Variants in PDE11A observed in about 807,000 individuals in gnomAD.
The protein encoded by PDE11A is phosphodiesterase 11A, also known as dual 3',5'-cyclic-AMP and -GMP phosphodiesterase 11A.
In PDE11A, 100 loss-of-function variants were observed where a neutral mutation model predicts 100.5. The ratio of observed to expected loss-of-function variants is 1.00; its 90% CI spans 0.85 to 1.18. The LOEUF is 1.18. Among genes scored for constraint, PDE11A ranks in the 50% most tolerant of loss-of-function variants. PDE11A has a pLI of 0.00. For synonymous variants in PDE11A, 381 were observed against 420.8 expected (o/e 0.91, Z 1.16); for missense variants, 1,141 against 1,152.6 (o/e 0.99, Z 0.15).
At chr2:178,040,646 TA>T (rs1239804954) in intron 1 of PDE11A, among the ~76,000 whole-genome samples, 1 of 152,198 alleles carries the variant, frequency 6.6e-6, no homozygotes, top group Non-Finnish European at 1.5e-5. Context: ...GCTAAACCAC[TA>T]AACTAAAATT....
chr2:178,037,919 C>A (rs1476888828), intron 1 of PDE11A, among the ~76,000 whole-genome samples: 1 of 151,550 alleles, frequency 6.6e-6, no homozygotes, highest in East Asian at 1.9e-4. Flanking sequence ...ATATCTAATG[C>A]ATGGGGGGCT....
chr2:177,656,993 G>A (rs1456033925), intron 19 of PDE11A, among the ~76,000 whole-genome samples: 1 of 152,120 alleles, frequency 6.6e-6, no homozygotes, highest in African/African-American at 2.4e-5. Flanking sequence ...CGAGGACTTC[G>A]GAAGGTACCT....
At chr2:177,796,303 T>C (rs1380102170) in intron 9 of PDE11A, among the ~76,000 whole-genome samples, 2 of 151,996 alleles carry the variant, frequency 1.3e-5, no homozygotes, top group Admixed American at 1.3e-4. Flanking sequence ...ACGATGTCAT[T>C]CAGATTATAT....
In PDE11A at chr2:178,087,896, G is replaced by GT. The variant is rs60232128; in HGVS notation, c.162+16405dup. Among the ~76,000 whole-genome samples, 311 of 148,748 alleles carry GT rather than the reference G, an allele frequency of 2.1e-3. 1 individual carries two copies. Among genetic ancestry groups the GT allele is most frequent in the South Asian group, 6.0e-3 (28 of 4,678 alleles). On this transcript the variant is annotated intron_variant, in intron 2 of 20. Transcript: ENST00000358450. The stretch of plus-strand genomic sequence containing the variant: ...ACAGTGGTTCTGTTTTAAACACTGA[G>GT]TTTTTTTTTTGTTTTTTTCTTTTTG...
At chr2:177,821,044 T>TC (rs2083131079) in intron 6 of PDE11A, among the ~76,000 whole-genome samples, 1 of 151,902 alleles carries the variant, frequency 6.6e-6, no homozygotes, top group Non-Finnish European at 1.5e-5. Context: ...ATTGTTCTAA[T>TC]ACAATAGGAG....
intron 10 of PDE11A, among the ~76,000 whole-genome samples, chr2:177,753,387 G>C (rs569821992): frequency 5.8e-4 from 88 of 152,106 alleles, no homozygotes; most frequent in Middle Eastern, 3.4e-3. Flanking sequence ...AGTAAAACCA[G>C]AAAGAGGAAA....
At chr2:177,747,475 T>C (rs1265635530) in intron 10 of PDE11A, among the ~76,000 whole-genome samples, 1 of 152,226 alleles carries the variant, frequency 6.6e-6, no homozygotes, top group Non-Finnish European at 1.5e-5. Flanking sequence ...ACAGGGAGTT[T>C]GCTGTGGAGC....
intron 3 of PDE11A, among the ~76,000 whole-genome samples, chr2:177,898,423 G>C (rs1269576779): frequency 6.6e-6 from 1 of 152,108 alleles, no homozygotes; most frequent in Non-Finnish European, 1.5e-5. Flanking sequence ...CTTGTAACAG[G>C]TGTGAAGATA....
chr2:177,970,382 T>C (rs2085754559), intron 2 of PDE11A, among the ~76,000 whole-genome samples: 1 of 152,160 alleles, frequency 6.6e-6, no homozygotes, highest in East Asian at 1.9e-4. Context: ...GAGTCATTTC[T>C]AGGTCACATC....
chr2:178,096,433 A>G (rs1441529475), intron 2 of PDE11A, among the ~76,000 whole-genome samples: 1 of 150,716 alleles, frequency 6.6e-6, no homozygotes, highest in African/African-American at 2.4e-5. Context: ...TCGGCCTCCC[A>G]AAGTGCTGGG....
At chr2:177,692,613 C>T (rs2081056526) in intron 15 of PDE11A, among the ~76,000 whole-genome samples, 1 of 152,152 alleles carries the variant, frequency 6.6e-6, no homozygotes, top group Non-Finnish European at 1.5e-5. Flanking sequence ...GCACAGAAAT[C>T]ATTTCAGAAA....
rs1430342000 is a variant in PDE11A at position 177,996,656 on chromosome 2, T to C, written c.1071+17646A>G. The stretch of plus-strand genomic sequence containing the variant: ...CTAAAAATGTAATGTCATTCCTACA[T>C]TTTAAGAAAGCAACGTAAATATTAT... On this transcript the variant is annotated intron_variant, in intron 2 of 19. Transcript: ENST00000286063. Among the ~76,000 whole-genome samples the C allele has an allele frequency of 2.0e-5, 3 of 152,274 alleles. No individual in the cohort carries two copies. In the East Asian group the frequency reaches 5.8e-4, roughly 29 times the overall value.
At chr2:177,836,633 T>C (rs1158389833) in intron 6 of PDE11A, among the ~76,000 whole-genome samples, 1 of 152,222 alleles carries the variant, frequency 6.6e-6, no homozygotes, top group Non-Finnish European at 1.5e-5. Flanking sequence ...CTTTTGCTCT[T>C]TGCAATAAAT....
intron 1 of PDE11A, among the ~76,000 whole-genome samples, chr2:178,057,974 C>A (rs950022090): frequency 6.6e-6 from 1 of 152,268 alleles, no homozygotes; most frequent in Admixed American, 6.5e-5. Flanking sequence ...TCTCCTGCCT[C>A]AGCCCCCCTA....
intron 19 of PDE11A, among the ~76,000 whole-genome samples, chr2:177,631,322 A>AAAAAAAAAAAAAAAAAAAAAC (rs1469522170): frequency 4.1e-4 from 7 of 16,888 alleles, no homozygotes; most frequent in African/African-American, 6.5e-4. Context: ...AAAAAAAAAA[A>AAAAAAAAAAAAAAAAAAAAAC]CAACCTAGGC....
intron 9 of PDE11A, among the ~76,000 whole-genome samples, chr2:177,784,388 G>C (rs563278672): frequency 6.6e-6 from 1 of 151,874 alleles, no homozygotes; most frequent in Non-Finnish European, 1.5e-5. Flanking sequence ...TACAAATGCC[G>C]TGGCATTGTC....
chr2:177,725,147 C>T (rs1231591474), intron 12 of PDE11A, among the ~76,000 whole-genome samples: 1 of 152,036 alleles, frequency 6.6e-6, no homozygotes, highest in East Asian at 1.9e-4. Context: ...CATCATTTTA[C>T]CATAGGCCGA....
chr2:177,741,460 G>A (rs1245481608), intron 10 of PDE11A, among the ~76,000 whole-genome samples: 10 of 152,130 alleles, frequency 6.6e-5, no homozygotes, highest in Admixed American at 5.9e-4. Flanking sequence ...TGGGAGTGGG[G>A]AAGAAACAAT....
At chr2:177,996,527 T>C (rs563173417) in intron 2 of PDE11A, among the ~76,000 whole-genome samples, 1 of 151,536 alleles carries the variant, frequency 6.6e-6, no homozygotes, top group South Asian at 2.1e-4. Context: ...ATGTATATTA[T>C]ATATAGACAT....
Sources: gnomAD v4.1 joint callset for allele counts (sites outside exome capture counted in the v4.1 genomes callset) on GRCh38, gnomAD v4.1.1 for gene constraint, MANE v1.5 for transcripts, NCBI Gene and HGNC (gene_info 2026-07-23, HGNC 2026-07-21) for gene names.